The following PCDH7 variants were observed in gnomAD, a reference collection of about 807,000 sequenced individuals.
PCDH7 encodes protocadherin-7.
A neutral mutation model predicts 58.9 loss-of-function variants in PCDH7; 17 were observed. The ratio of observed to expected loss-of-function variants is 0.29; its 90% CI spans 0.20 to 0.43. The LOEUF (loss-of-function observed/expected upper bound fraction) is 0.43, where lower values mean the gene tolerates loss of function less well. Ranked by LOEUF, PCDH7 falls within the 20% of genes least tolerant of loss-of-function variation. The pLI is 1.00. For synonymous variants in PCDH7, 664 were observed against 616.4 expected (o/e 1.08, Z -1.14); for missense variants, 1,274 against 1,441.0 (o/e 0.88, Z 1.88).
At chr4:30,735,976 T>G (rs1042478110), downstream of PCDH7, among the ~76,000 whole-genome samples, 2 of 152,248 alleles carry the variant, frequency 1.3e-5, no homozygotes, top group Non-Finnish European at 2.9e-5. Context: ...CCATTCATTT[T>G]CTGCTCTCAT....
intron 3 of PCDH7, among the ~76,000 whole-genome samples, chr4:30,957,230 G>A (rs540837658): frequency 1.3e-5 from 2 of 152,192 alleles, no homozygotes; most frequent in Admixed American, 6.5e-5. Flanking sequence ...AAGCTTGCCT[G>A]TCCACTCTAA....
At chr4:30,934,529 C>T (rs1259999160) in intron 2 of PCDH7, among the ~76,000 whole-genome samples, 1 of 152,072 alleles carries the variant, frequency 6.6e-6, no homozygotes, top group African/African-American at 2.4e-5. Context: ...AATTGACTCT[C>T]GGGCTTCATA....
At chr4:30,927,160 C>A (rs1743975295) in intron 2 of PCDH7, among the ~76,000 whole-genome samples, 1 of 152,090 alleles carries the variant, frequency 6.6e-6, no homozygotes, top group Admixed American at 6.5e-5. Context: ...AATTTCAGCA[C>A]TTGTTGATAA....
chr4:30,733,938 G>A (rs1715880213), downstream of PCDH7, among the ~76,000 whole-genome samples: 3 of 152,060 alleles, frequency 2.0e-5, no homozygotes, highest in Admixed American at 2.0e-4. Context: ...AATCATGCTT[G>A]TGGGATTAAT....
At chr4:30,771,538 A>G (rs145376354) in intron 1 of PCDH7, among the ~76,000 whole-genome samples, 3 of 152,164 alleles carry the variant, frequency 2.0e-5, no homozygotes, top group Admixed American at 1.3e-4. Context: ...CCTAAAATCT[A>G]TTCTCCTCCT....
intron 3 of PCDH7, among the ~76,000 whole-genome samples, chr4:31,107,559 G>C (rs1371381218): frequency 6.6e-6 from 1 of 152,172 alleles, no homozygotes; most frequent in Non-Finnish European, 1.5e-5. Context: ...AAAATGATAA[G>C]AGATGTCAGT....
chr4:31,054,261 C>T (rs1037265894), intron 3 of PCDH7, among the ~76,000 whole-genome samples: 4 of 152,170 alleles, frequency 2.6e-5, no homozygotes, highest in South Asian at 2.1e-4. Context: ...CCACCACGTC[C>T]GGCCCTTGGA....
chr4:31,090,844 G>T (rs1187161603), intron 3 of PCDH7, among the ~76,000 whole-genome samples: 1 of 151,860 alleles, frequency 6.6e-6, no homozygotes, highest in African/African-American at 2.4e-5. Flanking sequence ...TTAACTCCAT[G>T]TCTCCATTAC....
chr4:31,117,979 A>G (rs1162779568), intron 3 of PCDH7, among the ~76,000 whole-genome samples: 1 of 152,190 alleles, frequency 6.6e-6, no homozygotes, highest in Non-Finnish European at 1.5e-5. Context: ...CAATTATCTT[A>G]TGAAAGTCAG....
intron 3 of PCDH7, among the ~76,000 whole-genome samples, chr4:30,975,442 G>T (rs1266392735): frequency 6.6e-6 from 1 of 151,940 alleles, no homozygotes; most frequent in Non-Finnish European, 1.5e-5. Context: ...TATTGTACAA[G>T]AATATTTTAC....
intron 3 of PCDH7, among the ~76,000 whole-genome samples, chr4:31,025,188 T>C (rs944951810): frequency 2.0e-5 from 3 of 152,230 alleles, no homozygotes; most frequent in Admixed American, 1.3e-4. Context: ...TCTCAAGAGA[T>C]ATCCAAGAAA....
At chr4:31,028,921 A>G (rs1236028691) in intron 3 of PCDH7, among the ~76,000 whole-genome samples, 1 of 152,174 alleles carries the variant, frequency 6.6e-6, no homozygotes, top group Non-Finnish European at 1.5e-5. Context: ...AGCAACCCCA[A>G]ACTGGTTGTG....
chr4:30,949,611 T>A (rs184044077), intron 2 of PCDH7, among the ~76,000 whole-genome samples: 23 of 152,306 alleles, frequency 1.5e-4, no homozygotes, highest in Admixed American at 9.2e-4. Flanking sequence ...TAATTTTTTT[T>A]ATTAAGTTAA....
At chr4:30,801,274 G>A (rs1725492138) in intron 1 of PCDH7, among the ~76,000 whole-genome samples, 1 of 152,150 alleles carries the variant, frequency 6.6e-6, no homozygotes, top group Middle Eastern at 3.2e-3. Context: ...ATAAACATTA[G>A]GAGGAAAGAA....
At chr4:31,011,266 T>C (rs554136680) in intron 3 of PCDH7, among the ~76,000 whole-genome samples, 183 of 152,152 alleles carry the variant, frequency 1.2e-3, no homozygotes, top group African/African-American at 4.1e-3. Context: ...TAAGAAGATA[T>C]TAAAGTACTG....
At chr4:31,013,373 GAA>G (rs1753344099) in intron 3 of PCDH7, among the ~76,000 whole-genome samples, 1 of 149,954 alleles carries the variant, frequency 6.7e-6, no homozygotes, top group African/African-American at 2.5e-5. Context: ...TTTTCACAGA[GAA>G]AGAGTATGCC....
chr4:30,773,094 G>T (rs1401488167), intron 1 of PCDH7, among the ~76,000 whole-genome samples: 11 of 152,258 alleles, frequency 7.2e-5, no homozygotes, highest in Admixed American at 7.2e-4. Flanking sequence ...GTAGAGACGG[G>T]ATTTTACTAT....
At chr4:31,025,731 C>G (rs1754373745) in intron 3 of PCDH7, among the ~76,000 whole-genome samples, 1 of 152,164 alleles carries the variant, frequency 6.6e-6, no homozygotes, top group African/African-American at 2.4e-5. Flanking sequence ...ACCAGTTTCT[C>G]CATTATTTCA....
At chr4:30,857,870 C>T (rs541371999) in intron 1 of PCDH7, among the ~76,000 whole-genome samples, 50 of 152,214 alleles carry the variant, frequency 3.3e-4, no homozygotes, top group African/African-American at 1.1e-3. Flanking sequence ...TGCTACAATT[C>T]ATTTTAACAG....
Sources: allele counts gnomAD v4.1 joint callset (sites outside exome capture counted in the v4.1 genomes callset), GRCh38; gene constraint gnomAD v4.1.1; transcripts MANE v1.5; gene names NCBI Gene and HGNC (gene_info 2026-07-23, HGNC 2026-07-21).